ADAMTS9: variants seen among roughly 807,000 people sequenced by gnomAD.
ADAMTS9 encodes the protein ADAM metallopeptidase with thrombospondin type 1 motif 9, also known as A disintegrin and metalloproteinase with thrombospondin motifs 9.
In ADAMTS9, 107 loss-of-function variants were observed where a neutral mutation model predicts 257.1. The observed-to-expected ratio is 0.42, with a 90% CI of 0.36 to 0.49. The LOEUF (loss-of-function observed/expected upper bound fraction) is 0.49. ADAMTS9 is among the 20% of genes least tolerant of loss of function. The probability of loss-of-function intolerance (pLI) is 0.03; values close to 1 mark genes in which losing one functional copy is unlikely to be tolerated. For missense variants in ADAMTS9, 2,353 were observed against 2,469.1 expected, an observed-to-expected ratio of 0.95 and a Z score of 1.00; for synonymous variants, 982 against 880.9, an observed-to-expected ratio of 1.11 and a Z score of -2.03.
chr3:64,643,609 T>C (rs1449506491), intron 11 of ADAMTS9, among the ~76,000 whole-genome samples: 2 of 151,694 alleles, frequency 1.3e-5, no homozygotes, highest in East Asian at 1.9e-4. Context: ...TATGCCACCA[T>C]GCTCAGCTAA....
In ADAMTS9 at chr3:64,638,075, G is replaced by A. The variant is rs117938398; in HGVS notation, c.1856+3773C>T. ...ATTTCATAACCAGTTGCTATGGAGA[G>A]AGCCTAAGGGGGAAATATCTAGTTC... is the stretch of plus-strand genomic sequence containing the variant. On this transcript the variant is annotated intron_variant, in intron 12 of 39. Transcript: ENST00000498707. 3.3e-3 allele frequency among the ~76,000 whole-genome samples: 506 copies of A among 152,324 alleles called. 14 individuals are homozygous for A. The East Asian group carries it at 0.045, about 14-fold the overall frequency.
intron 37 of ADAMTS9, among the ~76,000 whole-genome samples, chr3:64,533,944 G>C (rs575836819): frequency 3.3e-5 from 5 of 152,188 alleles, no homozygotes; most frequent in Non-Finnish European, 7.3e-5. Context: ...GATTTCTAAA[G>C]AGACGGTGCA....
At chr3:64,602,515 G>C (rs1329524620) in intron 25 of ADAMTS9, among the ~76,000 whole-genome samples, 1 of 152,022 alleles carries the variant, frequency 6.6e-6, no homozygotes, top group Non-Finnish European at 1.5e-5. Flanking sequence ...TGATCTACTA[G>C]ACCCTTTATG....
At position 64,533,848 on chromosome 3, in the gene ADAMTS9, G is replaced by T. The variant is rs112994967; in HGVS notation, c.5614-578C>A. 4.4e-3 allele frequency among the ~76,000 whole-genome samples: 674 copies of T among 152,306 alleles called. 2 individuals are homozygous for T. The highest frequency in any genetic ancestry group is 0.015 in the African/African-American group (630 of 41,564). On this transcript the variant is annotated intron_variant, in intron 37 of 39. Coordinates refer to ENST00000498707, the MANE Select transcript of ADAMTS9 (RefSeq NM_182920.2). ...AGACCACCTGGGCCTGGAGGATGCG[G>T]CTTTCAGGCTCCGGTAAGGGAGATC...
At chr3:64,530,378 C>T (rs2082963411) in intron 38 of ADAMTS9, among the ~76,000 whole-genome samples, 1 of 151,918 alleles carries the variant, frequency 6.6e-6, no homozygotes, top group Non-Finnish European at 1.5e-5. Flanking sequence ...CTGGACCACA[C>T]GGGGGAAGTC....
At position 64,546,827 on chromosome 3, in the gene ADAMTS9, G is replaced by C. The variant is rs2083206297; in HGVS notation, c.4995C>G (p.Pro1665=). ...TTINCPGTQP[P]SVHPCYLRDC... is the part of the protein sequence containing the mutation. ...CCCTCAGGTAACAGGGGTGAACACT[G>C]GGGGGCTGCGTGCCTGGGCAGTTGA... The change falls in exon 32 of 40, where the codon CCC becomes CCG. Residue 1665 remains proline, a synonymous_variant. Coordinates refer to ENST00000498707, the MANE Select transcript of ADAMTS9 (RefSeq NM_182920.2). 1 of 1,614,068 alleles carries C rather than the reference G, an allele frequency of 6.2e-7. No homozygotes were observed. Among genetic ancestry groups the C allele is most frequent in the Non-Finnish European group, 8.5e-7 (1 of 1,179,956 alleles).
intron 28 of ADAMTS9, among the ~76,000 whole-genome samples, chr3:64,573,344 T>C (rs1351609551): frequency 6.6e-6 from 1 of 152,170 alleles, no homozygotes; most frequent in Non-Finnish European, 1.5e-5. Context: ...GCTGACCAAC[T>C]AGTCCATATT....
intron 29 of ADAMTS9, chr3:64,563,385 A>C (rs1360969935): frequency 6.6e-6 from 1 of 152,214 alleles, no homozygotes; most frequent in Non-Finnish European, 1.5e-5. Flanking sequence ...GGAACAATAT[A>C]TCCAAATACA....
At chr3:64,671,998 T>C (rs1454803365) in intron 3 of ADAMTS9, among the ~76,000 whole-genome samples, 1 of 152,174 alleles carries the variant, frequency 6.6e-6, no homozygotes, top group Non-Finnish European at 1.5e-5. Flanking sequence ...TCCCCTCATA[T>C]GAAGAAACTC....
rs138870035 is a variant in ADAMTS9 at position 64,647,958 on chromosome 3, C to T, written c.1692G>A (p.Thr564=). 6.8e-6 allele frequency: 11 copies of T among 1,613,712 alleles called. No individual in the cohort carries two copies. Among genetic ancestry groups the T allele is most frequent in the African/African-American group, 1.3e-5 (1 of 74,930 alleles). The stretch of plus-strand genomic sequence containing the variant: ...TACTTGCCTTTCCAGGCTCGCACTC[C>T]GTCCCATCGGCCCAGGGTGTGTGCT... ...RTQHTPWADG[T]ECEPGKHCKY... Residue 564 remains threonine, a synonymous_variant, in exon 11 of 40, where the codon ACG becomes ACA. Coordinates refer to ENST00000498707, the MANE Select transcript of ADAMTS9 (RefSeq NM_182920.2).
chr3:64,615,846 CA>C (rs1167054172), intron 20 of ADAMTS9, 113 bp downstream of exon 20: 1 of 1,258,910 alleles, frequency 7.9e-7, no homozygotes, highest in Non-Finnish European at 1.1e-6. Context: ...CATTACAAAT[CA>C]ATCACGGTCA....
chr3:64,519,647 T>C (rs1467712041), intron 39 of ADAMTS9, among the ~76,000 whole-genome samples: 1 of 152,134 alleles, frequency 6.6e-6, no homozygotes, highest in Non-Finnish European at 1.5e-5. Context: ...ATTCAACATA[T>C]GCAAGTCAAT....
At position 64,533,191 on chromosome 3, in the gene ADAMTS9, G is replaced by A. The variant is rs1411969870; in HGVS notation, c.5693C>T (p.Ala1898Val). The A allele has an allele frequency of 6.2e-7, 1 of 1,613,974 alleles. No individual in the cohort carries two copies. Among genetic ancestry groups the A allele is most frequent in the Non-Finnish European group, 8.5e-7 (1 of 1,179,884 alleles). The change falls in exon 38 of 40, where the codon GCT (alanine) becomes GTT (valine). Residue 1898 changes from alanine to valine, a missense_variant. Coordinates refer to ENST00000498707, the MANE Select transcript of ADAMTS9 (RefSeq NM_182920.2). ...CGGCGACTTCTTGATGTCAGAGACA[G>A]CATAATTCCCTTGTGATATCCATCT... The part of the protein sequence containing the change: ...SARWISQGNY[A>V]VSDIKKSPDG...
intron 21 of ADAMTS9, among the ~76,000 whole-genome samples, 160 bp from the exon 22 acceptor site, chr3:64,613,669 G>A (rs1437988402): frequency 6.6e-6 from 1 of 151,906 alleles, no homozygotes; most frequent in East Asian, 1.9e-4. Context: ...TTTTCCTTTT[G>A]TTCGTTCATT....
chr3:64,664,778 G>A lies in ADAMTS9; in HGVS notation c.680-5987C>T, dbSNP rs188462510. On this transcript the variant is annotated intron_variant, in intron 3 of 39. Coordinates refer to ENST00000498707, the MANE Select transcript of ADAMTS9 (RefSeq NM_182920.2). ...GTGAATATATTTTTGTTCTTCTTGT[G>A]TATATACATAGCCGCAGAGTTGCTA... Among the ~76,000 whole-genome samples the A allele has an allele frequency of 2.6e-5, 4 of 152,240 alleles. No homozygotes were observed. In the East Asian group the frequency reaches 5.8e-4, roughly 22 times the overall value.
chr3:64,579,176 C>A (rs1404237310), intron 28 of ADAMTS9, among the ~76,000 whole-genome samples: 1 of 152,182 alleles, frequency 6.6e-6, no homozygotes, highest in Non-Finnish European at 1.5e-5. Context: ...CCTATCCTAT[C>A]ATTCACATCC....
chr3:64,684,765 A>G (rs999728298), intron 2 of ADAMTS9: 10 of 152,324 alleles, frequency 6.6e-5, no homozygotes, highest in East Asian at 3.9e-4. Flanking sequence ...AAAACTGCCA[A>G]TGAAAATGAA....
Position 64,541,572 on chromosome 3 carries a change from C to A in ADAMTS9, c.5246G>T (p.Ser1749Ile), listed in dbSNP as rs1209371548. 1 of 1,614,162 alleles carries A rather than the reference C, an allele frequency of 6.2e-7. No individual in the cohort carries two copies. The highest frequency in any genetic ancestry group is 1.7e-5 in the Admixed American group (1 of 60,016). The change falls in exon 34 of 40, where the codon AGT (serine) becomes ATT (isoleucine). Residue 1749 changes from serine (S) to isoleucine (I), a missense_variant. Around this residue, in one of 3 missense-constraint regions of ADAMTS9, gnomAD observed 1,402 missense variants for 1,441.4 expected, o/e 0.97. Transcript: ENST00000498707. ...CKEVKRLKGA[S>I]EDGEYFLMIR... ...CATCAGGAAATATTCACCATCTTCA[C>A]TGGCACCTTTAAGTCTTTTTACCTC...
intron 12 of ADAMTS9, among the ~76,000 whole-genome samples, chr3:64,635,170 C>T (rs1272835205): frequency 4.6e-5 from 7 of 152,196 alleles, no homozygotes; most frequent in South Asian, 2.1e-4. Flanking sequence ...GCTCCTGCAG[C>T]GTGCCCAGGT....
Sources: allele counts gnomAD v4.1 joint callset (sites outside exome capture counted in the v4.1 genomes callset), GRCh38; gene constraint gnomAD v4.1.1; regional missense constraint gnomAD v4.1.1; transcripts MANE v1.5; gene names NCBI Gene and HGNC (gene_info 2026-07-23, HGNC 2026-07-21).